Variants in PRORP observed in about 807,000 individuals in gnomAD.
PRORP encodes the protein mitochondrial ribonuclease P catalytic subunit.
PRORP carries 51 observed loss-of-function variants against 59.4 expected under a neutral mutation model. The ratio of observed to expected loss-of-function variants is 0.86; its 90% CI spans 0.69 to 1.08. PRORP has a LOEUF of 1.08. PRORP is among the 50% of genes least tolerant of loss of function. The probability of loss-of-function intolerance (pLI) is 0.00; values close to 1 mark genes in which losing one functional copy is unlikely to be tolerated. For synonymous variants in PRORP, 231 were observed against 245.6 expected (o/e 0.94, Z 0.55); for missense variants, 646 against 690.3 (o/e 0.94, Z 0.72).
chr14:35,187,842 C>G (rs143844061), intron 5 of PRORP, among the ~76,000 whole-genome samples: 5 of 148,596 alleles, frequency 3.4e-5, no homozygotes, highest in Admixed American at 6.7e-5. Flanking sequence ...TATTTATTTT[C>G]TTTTCTTTTT....
At chr14:35,182,885 C>T (rs564141369) in intron 5 of PRORP, among the ~76,000 whole-genome samples, 134 of 152,204 alleles carry the variant, frequency 8.8e-4, no homozygotes, top group African/African-American at 3.1e-3. Flanking sequence ...TAGGAACTGA[C>T]ATAGTAACAC....
chr14:35,136,669 C>G (rs1296683397), intron 4 of PRORP, among the ~76,000 whole-genome samples: 1 of 145,568 alleles, frequency 6.9e-6, no homozygotes, highest in African/African-American at 2.4e-5. Context: ...GCCACCGCAC[C>G]TGGCCCATAT....
At chr14:35,189,597 G>C (rs1369231535) in intron 5 of PRORP, among the ~76,000 whole-genome samples, 1 of 152,116 alleles carries the variant, frequency 6.6e-6, no homozygotes, top group African/African-American at 2.4e-5. Context: ...ACTGTTTTAA[G>C]CTGTGAGGAT....
At chr14:35,239,122 G>A (rs1197756943) in intron 5 of PRORP, among the ~76,000 whole-genome samples, 1 of 151,990 alleles carries the variant, frequency 6.6e-6, no homozygotes, top group Non-Finnish European at 1.5e-5. Context: ...TTTAGGAGGC[G>A]AGGCGGGCGG....
rs184405522 is a variant in PRORP, at chr14:35,275,001, T to G, written c.*1435T>G. 6.6e-6 allele frequency: 1 copy of G among 152,212 alleles called. No individual in the cohort carries two copies. The highest frequency in any genetic ancestry group is 6.5e-5 in the Admixed American group (1 of 15,300). 9.4% of individuals were successfully genotyped at this position (152,212 alleles called of 1,614,324 possible). The stretch of plus-strand genomic sequence containing the variant: ...CTTTCTTTACGTATACATACTGTAT[T>G]CAATATGCAAGAACAGGCAAAAACT... On this transcript the variant is annotated 3_prime_UTR_variant, in exon 8 of 8. Coordinates refer to ENST00000534898, the MANE Select transcript of PRORP (RefSeq NM_014672.4).
chr14:35,133,959 A>G (rs1231895838), intron 4 of PRORP, among the ~76,000 whole-genome samples: 2 of 152,176 alleles, frequency 1.3e-5, no homozygotes, highest in African/African-American at 4.8e-5. Context: ...ATCTTGCCCA[A>G]AGCCTGCTTA....
At chr14:35,234,134 G>A (rs143602025) in intron 5 of PRORP, among the ~76,000 whole-genome samples, 34 of 152,294 alleles carry the variant, frequency 2.2e-4, no homozygotes, top group African/African-American at 7.0e-4. Flanking sequence ...CTCGAAGAGA[G>A]TAATTCTTTG....
At chr14:35,186,410 G>A (rs2048743707) in intron 5 of PRORP, among the ~76,000 whole-genome samples, 1 of 151,196 alleles carries the variant, frequency 6.6e-6, no homozygotes, top group African/African-American at 2.4e-5. Context: ...CTTTTAAAGT[G>A]CACAATTCAG....
At chr14:35,130,071 C>T (rs553672733) in intron 4 of PRORP, among the ~76,000 whole-genome samples, 1 of 142,346 alleles carries the variant, frequency 7.0e-6, no homozygotes, top group African/African-American at 2.6e-5. Context: ...CGCTCTGTTG[C>T]CTAGGCTGGG....
chr14:35,239,314 C>G (rs1247985118), intron 5 of PRORP, among the ~76,000 whole-genome samples: 3 of 151,142 alleles, frequency 2.0e-5, no homozygotes, highest in Non-Finnish European at 2.9e-5. Flanking sequence ...CAACACCGCA[C>G]TCCAGCCTGG....
intron 5 of PRORP, among the ~76,000 whole-genome samples, chr14:35,257,277 T>A (rs1282538566): frequency 6.6e-6 from 1 of 152,238 alleles, no homozygotes; most frequent in East Asian, 1.9e-4. Context: ...CATGTTGTCG[T>A]GCAACTGTTG....
chr14:35,241,126 C>G (rs1174760594), intron 5 of PRORP, among the ~76,000 whole-genome samples: 4 of 152,076 alleles, frequency 2.6e-5, no homozygotes, highest in Non-Finnish European at 5.9e-5. Flanking sequence ...GCCTGTAATC[C>G]TAGCACTTTG....
intron 3 of PRORP, 92 bp downstream of exon 3, chr14:35,126,874 G>A (rs1476098920): frequency 2.2e-6 from 2 of 925,644 alleles, no homozygotes; most frequent in Middle Eastern, 2.4e-4. Flanking sequence ...CACCTTAAGG[G>A]TAGGATAATT....
chr14:35,143,709 G>A (rs1403771376), intron 4 of PRORP, among the ~76,000 whole-genome samples: 12 of 144,808 alleles, frequency 8.3e-5, no homozygotes, highest in African/African-American at 2.7e-4. Flanking sequence ...GTGCAATGGC[G>A]CGATCTCGGC....
rs1253210406 is a variant in PRORP, at chr14:35,123,311, A to G, written c.66A>G (p.Leu22=). ...TTTGGAAGAGCCCATACCTTGGGCT[A>G]GGCCCAGGGCACTCTTATGTCTCGC... ...PKLWKSPYLG[L]GPGHSYVSLF... is the part of the protein sequence containing the mutation. The change falls in exon 2 of 8, where the codon CTA becomes CTG. Residue 22 remains leucine, a synonymous_variant. Coordinates refer to ENST00000534898, the MANE Select transcript of PRORP (RefSeq NM_014672.4). 1.4e-5 allele frequency: 22 copies of G among 1,613,786 alleles called. No individual in the cohort carries two copies. The highest frequency in any genetic ancestry group is 3.3e-5 in the Admixed American group (2 of 59,992).
chr14:35,263,786 A>G (rs909753059), intron 5 of PRORP, among the ~76,000 whole-genome samples: 1 of 152,236 alleles, frequency 6.6e-6, no homozygotes, highest in Non-Finnish European at 1.5e-5. Context: ...TGCCTTACAC[A>G]TAGAGAGGTC....
At chr14:35,245,413 C>T (rs928865249) in intron 5 of PRORP, among the ~76,000 whole-genome samples, 4 of 152,076 alleles carry the variant, frequency 2.6e-5, no homozygotes, top group African/African-American at 7.2e-5. Flanking sequence ...GAGGCCGAGG[C>T]GGGCAGATTG....
At chr14:35,199,169 A>C in intron 5 of PRORP, among the ~76,000 whole-genome samples, 1 of 150,712 alleles carries the variant, frequency 6.6e-6, no homozygotes, top group East Asian at 1.9e-4. Context: ...ACTCCTTTGA[A>C]AAAAAAAATA....
intron 4 of PRORP, among the ~76,000 whole-genome samples, chr14:35,154,650 A>G (rs1478484744): frequency 6.6e-6 from 1 of 151,884 alleles, no homozygotes; most frequent in Admixed American, 6.6e-5. Context: ...ACCAAATACC[A>G]TCTGTGGGAA....
Sources: allele counts gnomAD v4.1 joint callset (sites outside exome capture counted in the v4.1 genomes callset), GRCh38; gene constraint gnomAD v4.1.1; transcripts MANE v1.5; gene names NCBI Gene and HGNC (gene_info 2026-07-23, HGNC 2026-07-21).